Variants in CELF2 observed in about 807,000 individuals in gnomAD.
CELF2 encodes the protein CUGBP Elav-like family member 2.
Under a neutral mutation model 62.6 loss-of-function variants are expected in CELF2, and 8 were observed. That is an observed-to-expected ratio of 0.13 (90% CI 0.07 to 0.23). CELF2 has a LOEUF of 0.23. Ranked by LOEUF, CELF2 falls within the 10% of genes least tolerant of loss-of-function variation. The pLI, the probability that CELF2 is intolerant of heterozygous loss-of-function variation, is 1.00. For synonymous variants in CELF2, 258 were observed against 250.0 expected (o/e 1.03, Z -0.30); for missense variants, 333 against 671.0 (o/e 0.50, Z 5.56).
intron 2 of CELF2, among the ~76,000 whole-genome samples, chr10:11,209,551 C>T (rs1014485451): frequency 2.0e-5 from 3 of 146,410 alleles, no homozygotes; most frequent in Non-Finnish European, 3.0e-5. Context: ...CCTTCTACCA[C>T]GGAAAAAGGA....
chr10:10,510,981 G>C, the CELF2 span, among the ~76,000 whole-genome samples: 2 of 152,228 alleles, frequency 1.3e-5, no homozygotes, highest in South Asian at 4.1e-4. Context: ...AGGTGAAAGG[G>C]AACTCAGAGA....
chr10:10,602,373 G>A, the CELF2 span, among the ~76,000 whole-genome samples: 1 of 151,956 alleles, frequency 6.6e-6, no homozygotes, highest in Non-Finnish European at 1.5e-5. Context: ...TGACATACCG[G>A]GGTTCACTCT....
the CELF2 span, among the ~76,000 whole-genome samples, chr10:10,606,693 G>C: frequency 6.6e-6 from 1 of 152,084 alleles, no homozygotes; most frequent in Non-Finnish European, 1.5e-5. Context: ...CCCTTTATGA[G>C]TTGTACCTTA....
At chr10:11,254,129 A>C (rs565307513) in intron 4 of CELF2, among the ~76,000 whole-genome samples, 2 of 152,362 alleles carry the variant, frequency 1.3e-5, no homozygotes, top group South Asian at 4.1e-4. Context: ...GTTCTTGTAG[A>C]ATGTTTACAA....
chr10:11,104,518 A>G (rs1426412587), intron 1 of CELF2, among the ~76,000 whole-genome samples: 1 of 152,132 alleles, frequency 6.6e-6, no homozygotes, highest in Non-Finnish European at 1.5e-5. Context: ...CCTTGTCCCT[A>G]CAAAAAATAC....
rs2053267727 is a variant in CELF2 at position 10,990,125 on chromosome 10, A to G, written c.89+70126A>G. Among the ~76,000 whole-genome samples the G allele has an allele frequency of 6.6e-6, 1 of 152,168 alleles. No individual in the cohort carries two copies. The highest frequency in any genetic ancestry group is 1.5e-5 in the Non-Finnish European group (1 of 67,976). On this transcript the variant is annotated intron_variant, in intron 2 of 13. Coordinates refer to the CELF2 transcript ENST00000636488. This position sits in a 1 kb window ranked among gnomAD's most constrained non-coding sequence, Gnocchi z 4.6. ...TCACAAGAATTTTCATCTCAATGCT[A>G]TATATAAAAGTAAACATTTATAAAT...
chr10:11,059,491 G>A (rs146942083), intron 1 of CELF2, among the ~76,000 whole-genome samples: 115 of 152,242 alleles, frequency 7.6e-4, no homozygotes, highest in African/African-American at 2.3e-3. Flanking sequence ...TACCTAGCAC[G>A]GTCTTTTTAA....
intron 8 of CELF2, among the ~76,000 whole-genome samples, chr10:11,284,807 ATGATGGATGGATGGG>A (rs1301207187): frequency 1.4e-5 from 2 of 147,278 alleles, no homozygotes. Context: ...TGGTGGGCGG[ATGATGGATGGATGGG>A]TGGGAGAATA....
chr10:11,154,752 GAACTA>G (rs2063982403), intron 1 of CELF2, among the ~76,000 whole-genome samples: 1 of 152,158 alleles, frequency 6.6e-6, no homozygotes, highest in African/African-American at 2.4e-5. Context: ...TGAAGAGAAA[GAACTA>G]AAGTTTACTT....
intron 5 of CELF2, 84 bp downstream of exon 5, chr10:11,257,956 C>T: frequency 6.6e-7 from 1 of 1,522,206 alleles, no homozygotes; most frequent in South Asian, 1.2e-5. Context: ...AGGCACCGCA[C>T]ACGGCAAGAG....
At chr10:10,500,641 G>GTC in the CELF2 span, among the ~76,000 whole-genome samples, 3 of 152,120 alleles carry the variant, frequency 2.0e-5, no homozygotes, top group South Asian at 2.1e-4. Context: ...AAATTGCCCA[G>GTC]TCAGGTATGT....
chr10:11,002,394 C>T (rs2054606859), upstream of CELF2, among the ~76,000 whole-genome samples: 1 of 152,148 alleles, frequency 6.6e-6, no homozygotes, highest in Non-Finnish European at 1.5e-5. The surrounding 1 kb of genome is among the most constrained non-coding windows in gnomAD (Gnocchi z 4.4). Context: ...TCACTATCCC[C>T]TAAGGTTATT....
chr10:10,718,623 C>CA, the CELF2 span, among the ~76,000 whole-genome samples: 75 of 83,726 alleles, frequency 9.0e-4, 1 homozygote, highest in East Asian at 2.1e-3. Context: ...GACTCCGTCT[C>CA]AAAAAAAAAA....
At chr10:10,766,022 C>G in the CELF2 span, among the ~76,000 whole-genome samples, 1 of 152,216 alleles carries the variant, frequency 6.6e-6, no homozygotes, top group African/African-American at 2.4e-5. Flanking sequence ...AAGCTGCTGT[C>G]TTGGCCTCCG....
chr10:11,293,386 A>G (rs1415498333), intron 9 of CELF2, among the ~76,000 whole-genome samples: 1 of 152,246 alleles, frequency 6.6e-6, no homozygotes, highest in African/African-American at 2.4e-5. Context: ...GTAACCTACT[A>G]CTTATATGAA....
At chr10:11,140,801 G>A (rs539645440) in intron 1 of CELF2, among the ~76,000 whole-genome samples, 3 of 152,238 alleles carry the variant, frequency 2.0e-5, no homozygotes, top group South Asian at 2.1e-4. Context: ...AGGATTGCTT[G>A]AGCCCGAGAT....
At chr10:11,027,050 A>G (rs1458752082) in intron 1 of CELF2, among the ~76,000 whole-genome samples, 2 of 152,094 alleles carry the variant, frequency 1.3e-5, no homozygotes, top group Non-Finnish European at 2.9e-5. Context: ...GAGGCCTCCA[A>G]CTGCAATTAG....
the CELF2 span, among the ~76,000 whole-genome samples, chr10:10,658,488 A>T: frequency 2.0e-5 from 3 of 152,204 alleles, no homozygotes; most frequent in South Asian, 2.1e-4. Flanking sequence ...ATAAATCTAT[A>T]CATGCTGGAT....
Position 11,165,494 on chromosome 10 carries a change from C to T in CELF2, c.83C>T (p.Thr28Ile). 6.2e-7 allele frequency: 1 copy of T among 1,613,548 alleles called. No homozygotes were observed. Among genetic ancestry groups the T allele is most frequent in the Non-Finnish European group, 8.5e-7 (1 of 1,179,752 alleles). ...RLLVPDRING[T>I]ANKMNGALDH... is the part of the protein sequence containing the mutation. ...GGTTCCGTTTTTGACAGTAACGGCACAGCCAACAAGATGAACGGAGCTTTG... is the reference window on the plus strand; with the variant it reads ...GGTTCCGTTTTTGACAGTAACGGCATAGCCAACAAGATGAACGGAGCTTTG... Residue 28 changes from threonine to isoleucine, a missense_variant, in exon 2 of 13, where the codon ACA becomes ATA. Transcript: ENST00000633077. This position sits in a 1 kb window ranked among gnomAD's most constrained non-coding sequence, Gnocchi z 7.4.
Sources: allele counts gnomAD v4.1 joint callset (sites outside exome capture counted in the v4.1 genomes callset), GRCh38; gene constraint gnomAD v4.1.1; non-coding constraint Gnocchi (gnomAD v3.1); transcripts MANE v1.5; gene names NCBI Gene and HGNC (gene_info 2026-07-23, HGNC 2026-07-21).